The following RELCH variants were observed in gnomAD, a reference collection of about 807,000 sequenced individuals.
RELCH encodes RAB11-binding protein RELCH.
RELCH carries 41 observed loss-of-function variants against 150.3 expected under a neutral mutation model. The observed-to-expected ratio is 0.27, with a 90% CI of 0.21 to 0.35. The LOEUF is 0.35. RELCH is among the 10% of genes least tolerant of loss of function. The probability of loss-of-function intolerance (pLI) is 1.00; values close to 1 mark genes in which losing one functional copy is unlikely to be tolerated. For missense variants in RELCH, 1,092 were observed against 1,467.8 expected (o/e 0.74, Z 4.18); for synonymous variants, 478 against 531.8 (o/e 0.90, Z 1.39).
chr18:62,217,572 A>G (rs946964473), intron 2 of RELCH, among the ~76,000 whole-genome samples: 13 of 152,010 alleles, frequency 8.6e-5, no homozygotes, highest in Admixed American at 2.6e-4. Context: ...TTTGAAAGGA[A>G]GATGATGAAA....
chr18:62,187,847 T>C lies in RELCH; in HGVS notation c.342T>C (p.His114=), dbSNP rs747470753. 3 of 1,592,890 alleles carry C rather than the reference T, an allele frequency of 1.9e-6. No individual in the cohort carries two copies. Among genetic ancestry groups the C allele is most frequent in the East Asian group, 4.5e-5 (2 of 44,028 alleles). ...ACTTGCTGACCGCCCTGGAGCTGCA[T>C]ACCGAGCTGTTAGAGAGTGGCCGGG... The part of the protein sequence containing the change: ...DQYLLTALEL[H]TELLESGREL... Residue 114 remains histidine (H), a synonymous_variant, in exon 1 of 29, where the codon CAT becomes CAC. Coordinates refer to ENST00000644646, the MANE Select transcript of RELCH (RefSeq NM_001346231.2).
intron 23 of RELCH, 151 bp from the exon 24 acceptor site, chr18:62,280,495 T>C: frequency 6.6e-7 from 1 of 1,516,772 alleles, no homozygotes; most frequent in Non-Finnish European, 9.1e-7. Flanking sequence ...TTTTGAGCAT[T>C]CTTCTTGGTC....
At chr18:62,193,344 G>C (rs966849866) in intron 1 of RELCH, among the ~76,000 whole-genome samples, 4 of 152,098 alleles carry the variant, frequency 2.6e-5, no homozygotes, top group East Asian at 3.9e-4. Context: ...CCTCCTATTT[G>C]AATACCCTTT....
At chr18:62,282,252 C>G in intron 24 of RELCH, 54 bp from the exon 25 acceptor site, 2 of 1,487,246 alleles carry the variant, frequency 1.3e-6, no homozygotes, top group Non-Finnish European at 1.9e-6. Context: ...ACTTTAACAA[C>G]ACTACTCAGT....
At chr18:62,235,209 T>A (rs1440381839) in intron 10 of RELCH, 1 of 152,066 alleles carries the variant, frequency 6.6e-6, no homozygotes, top group East Asian at 1.9e-4. Context: ...CCAGAAACAT[T>A]TGTTCAAGAT....
chr18:62,224,488 T>C (rs1257973233), intron 5 of RELCH, among the ~76,000 whole-genome samples: 1 of 152,120 alleles, frequency 6.6e-6, no homozygotes, highest in Non-Finnish European at 1.5e-5. Context: ...ACAGTCCTTA[T>C]TCACCAATGA....
chr18:62,253,155 C>T (rs1422337459), intron 12 of RELCH, among the ~76,000 whole-genome samples: 1 of 151,758 alleles, frequency 6.6e-6, no homozygotes, highest in Non-Finnish European at 1.5e-5. Flanking sequence ...GAAGGGTGGT[C>T]AGAGAAAGAA....
chr18:62,209,626 G>T, intron 1 of RELCH, among the ~76,000 whole-genome samples: 1 of 140,138 alleles, frequency 7.1e-6, no homozygotes. Flanking sequence ...GTGAGTTTTA[G>T]CATCAAGTTC....
intron 13 of RELCH, among the ~76,000 whole-genome samples, chr18:62,257,401 C>T (rs901409955): frequency 6.6e-6 from 1 of 152,000 alleles, no homozygotes; most frequent in African/African-American, 2.4e-5. Flanking sequence ...CCCACTTCTT[C>T]AAAGAAATAG....
At chr18:62,195,280 C>CTG (rs148387504) in intron 1 of RELCH, among the ~76,000 whole-genome samples, 23,534 of 136,178 alleles carry the variant, frequency 0.17, 1,837 homozygotes, top group African/African-American at 0.19. Context: ...TACACACACT[C>CTG]TGTGTGTGTG....
rs191621625 is a variant in RELCH, at chr18:62,211,263, A to G, written c.616+21A>G. ...GGCAGGTGAGTAAAATTGTAAGGAC[A>G]GATTTGGATTCTTTGACATTCCAGA... On this transcript the variant is annotated intron_variant, in intron 2 of 28. Coordinates refer to ENST00000644646, the MANE Select transcript of RELCH (RefSeq NM_001346231.2). The G allele has an allele frequency of 4.3e-4, 610 of 1,421,904 alleles. 5 individuals are homozygous for G. The African/African-American group carries it at 7.6e-3, about 18-fold the overall frequency. The allele number at this position is 1,421,904 out of a possible 1,614,324, so 88.1% of individuals were successfully genotyped here.
chr18:62,260,662 CA>C (rs1178480548), intron 15 of RELCH, among the ~76,000 whole-genome samples: 1 of 151,920 alleles, frequency 6.6e-6, no homozygotes, highest in Non-Finnish European at 1.5e-5. Flanking sequence ...GATATAGAAT[CA>C]ACCTAAGTGT....
rs1385816832 is a variant in RELCH at position 62,188,099 on chromosome 18, A to AG, written c.526+73dup. On this transcript the variant is annotated intron_variant, in intron 1 of 28. Transcript: ENST00000644646. ...ATTGTACGGAGTTACTGTAGGGGAG[A>AG]GGGGGTATTTCTGCGTGGGTCCCGA... 7.6e-6 allele frequency: 11 copies of AG among 1,439,938 alleles called. No individual in the cohort carries two copies. In the East Asian group the frequency reaches 1.7e-4, roughly 22 times the overall value. The allele number at this position is 1,439,938 out of a possible 1,614,324, so 89.2% of individuals were successfully genotyped here.
chr18:62,266,266 C>T (rs909891664), intron 18 of RELCH, among the ~76,000 whole-genome samples: 3 of 151,770 alleles, frequency 2.0e-5, no homozygotes, highest in East Asian at 1.9e-4. Context: ...ACTTACTAAA[C>T]ACCTGAAGTG....
intron 13 of RELCH, among the ~76,000 whole-genome samples, chr18:62,256,374 C>T (rs561741080): frequency 1.3e-5 from 2 of 152,056 alleles, no homozygotes; most frequent in East Asian, 3.9e-4. Flanking sequence ...CATACCTTCA[C>T]CAGGAACTAG....
rs756814123 is a variant in RELCH at position 62,274,118 on chromosome 18, G to A, written c.2867+32G>A. 1.2e-5 allele frequency: 17 copies of A among 1,393,670 alleles called. No homozygotes were observed. The South Asian group carries it at 1.8e-4, about 15-fold the overall frequency. 86.3% of individuals were successfully genotyped at this position (1,393,670 alleles called of 1,614,324 possible). On this transcript the variant is annotated intron_variant, in intron 21 of 28. Coordinates refer to ENST00000644646, the MANE Select transcript of RELCH (RefSeq NM_001346231.2). Reference sequence around the variant, plus strand: ...AATAACAGCTTATAGTTTGCTAAAAGGCATATAAAGTTTTTAGATTGGATT... The same window carrying A: ...AATAACAGCTTATAGTTTGCTAAAAAGCATATAAAGTTTTTAGATTGGATT...
intron 10 of RELCH, among the ~76,000 whole-genome samples, chr18:62,242,541 AAG>A (rs917717157): frequency 1.3e-5 from 2 of 152,284 alleles, no homozygotes; most frequent in Admixed American, 1.3e-4. Flanking sequence ...AAGAAACTGA[AAG>A]AGAAGTTTGT....
chr18:62,190,957 C>T (rs947107531), intron 1 of RELCH, among the ~76,000 whole-genome samples: 9 of 152,160 alleles, frequency 5.9e-5, no homozygotes, highest in African/African-American at 1.7e-4. Flanking sequence ...TTCTAAAATT[C>T]GATATAAATA....
chr18:62,223,862 C>T (rs2041034559), intron 5 of RELCH, among the ~76,000 whole-genome samples: 1 of 152,054 alleles, frequency 6.6e-6, no homozygotes, highest in Non-Finnish European at 1.5e-5. Flanking sequence ...TGACTCAATC[C>T]AACATCCATT....
Sources: allele counts gnomAD v4.1 joint callset (sites outside exome capture counted in the v4.1 genomes callset), GRCh38; gene constraint gnomAD v4.1.1; transcripts MANE v1.5; gene names NCBI Gene and HGNC (gene_info 2026-07-23, HGNC 2026-07-21).